Variants in KCNMA1 observed in about 807,000 individuals in gnomAD.
KCNMA1 encodes the protein Calcium-activated potassium channel subunit alpha-1.
KCNMA1 carries 29 observed loss-of-function variants against 140.0 expected under a neutral mutation model. The observed-to-expected ratio is 0.21, with a 90% CI of 0.15 to 0.28. The LOEUF is 0.28. Among genes scored for constraint, KCNMA1 ranks in the 10% least tolerant of loss-of-function variants. KCNMA1 has a pLI of 1.00. For missense variants in KCNMA1, 880 were observed against 1,602.2 expected, an observed-to-expected ratio of 0.55 and a Z score of 7.70; for synonymous variants, 612 against 611.9, an observed-to-expected ratio of 1.00 and a Z score of 0.00.
chr10:77,468,713 C>A (rs1251640068), intron 1 of KCNMA1, among the ~76,000 whole-genome samples: 1 of 152,180 alleles, frequency 6.6e-6, no homozygotes, highest in Non-Finnish European at 1.5e-5. Context: ...GTTGTGTAAG[C>A]CACCTGGCCT....
At chr10:77,532,858 G>A (rs535245580) in intron 1 of KCNMA1, among the ~76,000 whole-genome samples, 2 of 152,288 alleles carry the variant, frequency 1.3e-5, no homozygotes, top group East Asian at 3.9e-4. Flanking sequence ...TTGGCTCTAT[G>A]AGAGACTAAC....
chr10:77,339,852 C>T (rs2090385737), intron 2 of KCNMA1, among the ~76,000 whole-genome samples: 1 of 152,244 alleles, frequency 6.6e-6, no homozygotes, highest in Admixed American at 6.5e-5. Flanking sequence ...TATTGCCCTT[C>T]CCCCTTTTCT....
chr10:76,905,212 G>A (rs1314231943), intron 25 of KCNMA1: 1 of 152,210 alleles, frequency 6.6e-6, no homozygotes, highest in Non-Finnish European at 1.5e-5. Flanking sequence ...TTAGAAACAA[G>A]ATATCAAGCC....
chr10:76,914,451 C>T (rs941639418), intron 24 of KCNMA1: 13 of 438,864 alleles, frequency 3.0e-5, no homozygotes, highest in African/African-American at 1.4e-4. Flanking sequence ...AACTACGATA[C>T]GTTAAATGTC....
Position 77,444,221 on chromosome 10 carries a change from C to T in KCNMA1, c.379-40198G>A, listed in dbSNP as rs549947585. ...CTCTAATTTAGAAAGGTGACAAGCA[C>T]ATTGCAGGACCTTACTTAATAGGGC... is the stretch of plus-strand genomic sequence containing the variant. On this transcript the variant is annotated intron_variant, in intron 1 of 27. Transcript: ENST00000286628. Among the ~76,000 whole-genome samples the T allele has an allele frequency of 2.6e-4, 39 of 152,278 alleles. 2 individuals are homozygous for T. In the South Asian group the frequency reaches 8.1e-3, roughly 32 times the overall value.
Position 77,008,157 on chromosome 10 carries a change from C to T in KCNMA1, c.2092+3810G>A, listed in dbSNP as rs569539656. 3.4e-4 allele frequency: 526 copies of T among 1,533,076 alleles called. 1 individual carries two copies. The African/African-American group carries it at 6.1e-3, about 18-fold the overall frequency. The allele number at this position is 1,533,076 out of a possible 1,614,324, so 95.0% of individuals were successfully genotyped here. A position where few individuals can be genotyped will look rare whatever the true frequency, so the allele number is the denominator to read the frequency against. ...GAGAAAGACAGGGGGAACTGGACTC[C>T]GGGCTGCTGGGAACCCGTTTTACTC... On this transcript the variant is annotated intron_variant, in intron 18 of 27. Transcript: ENST00000286628.
At chr10:77,388,286 T>C (rs1429460549) in intron 2 of KCNMA1, among the ~76,000 whole-genome samples, 2 of 152,256 alleles carry the variant, frequency 1.3e-5, no homozygotes, top group African/African-American at 2.4e-5. Context: ...TGTGCACTTT[T>C]CTTGAGCCTC....
intron 2 of KCNMA1, among the ~76,000 whole-genome samples, chr10:77,328,761 G>T (rs984850108): frequency 1.3e-5 from 2 of 152,288 alleles, no homozygotes; most frequent in Admixed American, 1.3e-4. Flanking sequence ...GGAGAAAACA[G>T]AAAGACTCTT....
intron 1 of KCNMA1, among the ~76,000 whole-genome samples, chr10:77,629,294 C>T (rs1032154551): frequency 2.6e-5 from 4 of 152,170 alleles, no homozygotes; most frequent in African/African-American, 4.8e-5. Flanking sequence ...CCGTGCCTGA[C>T]TCATCCACCT....
At chr10:77,465,873 G>A (rs992727519) in intron 1 of KCNMA1, among the ~76,000 whole-genome samples, 2 of 152,176 alleles carry the variant, frequency 1.3e-5, no homozygotes, top group Admixed American at 6.5e-5. Flanking sequence ...GATGTGTGAC[G>A]CTTCCCGGGG....
intron 14 of KCNMA1, among the ~76,000 whole-genome samples, chr10:77,054,524 T>C (rs1361876195): frequency 6.6e-6 from 1 of 152,114 alleles, no homozygotes; most frequent in African/African-American, 2.4e-5. Flanking sequence ...CCTATCTACT[T>C]ACAGGGTATG....
At chr10:77,097,022 T>G (rs1466047293) in intron 9 of KCNMA1, among the ~76,000 whole-genome samples, 2 of 152,146 alleles carry the variant, frequency 1.3e-5, no homozygotes, top group African/African-American at 2.4e-5. Context: ...AACCACACAG[T>G]GGTCAGCACC....
intron 19 of KCNMA1, among the ~76,000 whole-genome samples, chr10:76,986,149 G>A (rs904563491): frequency 1.3e-5 from 2 of 152,150 alleles, no homozygotes; most frequent in Admixed American, 1.3e-4. Context: ...GGAGGCGAGT[G>A]TGTAGCCCAT....
At chr10:76,960,623 T>G (rs113029420) in intron 20 of KCNMA1, among the ~76,000 whole-genome samples, 2,316 of 138,670 alleles carry the variant, frequency 0.017, 18 homozygotes, top group Non-Finnish European at 0.027. Flanking sequence ...GTTTTGTTTT[T>G]TTTTTTTTTT....
At chr10:77,615,099 G>A (rs536681227) in intron 1 of KCNMA1, among the ~76,000 whole-genome samples, 6 of 152,164 alleles carry the variant, frequency 3.9e-5, no homozygotes, top group South Asian at 2.1e-4. Context: ...TAACACAGGC[G>A]CCTGGGCTGC....
At chr10:77,573,612 G>A (rs2719982) in intron 1 of KCNMA1, among the ~76,000 whole-genome samples, 45,014 of 79,002 alleles carry the variant, frequency 0.57, 14,821 homozygotes, top group East Asian at 0.74. Flanking sequence ...TTAAGAAAAT[G>A]GAATGGAATG....
At chr10:77,495,187 T>A (rs972758322) in intron 1 of KCNMA1, among the ~76,000 whole-genome samples, 2 of 152,200 alleles carry the variant, frequency 1.3e-5, no homozygotes, top group Non-Finnish European at 2.9e-5. Context: ...CTGAAATTCC[T>A]AACATTACTA....
At chr10:77,553,618 T>A (rs1056259134) in intron 1 of KCNMA1, among the ~76,000 whole-genome samples, 2 of 152,204 alleles carry the variant, frequency 1.3e-5, no homozygotes, top group Non-Finnish European at 2.9e-5. Flanking sequence ...ACCTGCTATG[T>A]CTCAGGGGCA....
At chr10:76,888,811 G>A (rs1589594846) in intron 27 of KCNMA1, among the ~76,000 whole-genome samples, 1 of 152,196 alleles carries the variant, frequency 6.6e-6, no homozygotes, top group South Asian at 2.1e-4. Context: ...ACACCTGTAA[G>A]CCCAGCACTT....
Sources: gnomAD v4.1 joint callset for allele counts (sites outside exome capture counted in the v4.1 genomes callset) on GRCh38, gnomAD v4.1.1 for gene constraint, MANE v1.5 for transcripts, NCBI Gene and HGNC (gene_info 2026-07-23, HGNC 2026-07-21) for gene names.